Variants in CNTN5 observed in about 807,000 individuals in gnomAD.
CNTN5 encodes contactin 5, also known as contactin-5.
CNTN5 carries 77 observed loss-of-function variants against 129.1 expected under a neutral mutation model. The observed-to-expected ratio is 0.60, with a 90% CI of 0.50 to 0.72. CNTN5 has a LOEUF of 0.72. CNTN5 is among the 30% of genes least tolerant of loss of function. The pLI, the probability that CNTN5 is intolerant of heterozygous loss-of-function variation, is 0.00. For missense variants in CNTN5, 1,478 were observed against 1,328.8 expected (o/e 1.11, Z -1.75); for synonymous variants, 509 against 465.6 (o/e 1.09, Z -1.20).
rs3990615 is a variant in CNTN5, at chr11:99,945,489, CGTGT to C, written c.674-11292_674-11289del. ...CATAGCAAAAAATAAAACCTCTGTG[CGTGT>C]GTGTGTGTGTGTGTGTGTGTGTGTA... On this transcript the variant is annotated intron_variant, in intron 7 of 24. Transcript: ENST00000524871. 6.0e-3 allele frequency among the ~76,000 whole-genome samples: 890 copies of C among 148,968 alleles called. 6 individuals carry two copies. Among genetic ancestry groups the C allele is most frequent in the African/African-American group, 0.018 (739 of 40,448 alleles).
At chr11:99,427,291 A>G (rs1943161963) in intron 2 of CNTN5, among the ~76,000 whole-genome samples, 1 of 152,202 alleles carries the variant, frequency 6.6e-6, no homozygotes, top group African/African-American at 2.4e-5. Context: ...TTTTCTTTAG[A>G]TCTTGAAGAT....
At position 100,341,771 on chromosome 11, in the gene CNTN5, TTTG is replaced by T. The variant is rs533627054; in HGVS notation, c.3030+569_3030+571del. ...GTGCAATTTGTTTTTGAAAAATAAC[TTTG>T]TTATCTGATTTTTAAATATATGTGA... On this transcript the variant is annotated intron_variant, in intron 23 of 24. Transcript: ENST00000524871. 3.9e-3 allele frequency among the ~76,000 whole-genome samples: 599 copies of T among 152,254 alleles called. 7 individuals carry two copies. The highest frequency in any genetic ancestry group is 0.014 in the African/African-American group (583 of 41,556).
chr11:99,213,446 A>T (rs910533579), intron 1 of CNTN5, among the ~76,000 whole-genome samples: 2 of 145,430 alleles, frequency 1.4e-5, no homozygotes, highest in Admixed American at 6.9e-5. Context: ...ATATACACAT[A>T]TATGTATATA....
chr11:99,846,707 T>G (rs1947710659), intron 6 of CNTN5, among the ~76,000 whole-genome samples: 1 of 152,144 alleles, frequency 6.6e-6, no homozygotes, highest in Non-Finnish European at 1.5e-5. Context: ...CAGGTATCAT[T>G]TCTAATTAAC....
At chr11:99,955,321 A>G (rs1045793642) in intron 7 of CNTN5, among the ~76,000 whole-genome samples, 36 of 151,986 alleles carry the variant, frequency 2.4e-4, no homozygotes, top group African/African-American at 8.7e-4. Context: ...TTTCAATTAT[A>G]CTTTATGGAG....
intron 1 of CNTN5, among the ~76,000 whole-genome samples, chr11:99,244,848 C>T (rs1160013389): frequency 6.6e-6 from 1 of 152,158 alleles, no homozygotes; most frequent in Non-Finnish European, 1.5e-5. Flanking sequence ...TACCTCTCTC[C>T]TATTCCTTCC....
chr11:99,505,980 A>G (rs1253627086), intron 2 of CNTN5, among the ~76,000 whole-genome samples: 1 of 152,234 alleles, frequency 6.6e-6, no homozygotes, highest in African/African-American at 2.4e-5. Flanking sequence ...TTTCAAAGTC[A>G]TAACGGATCA....
intron 13 of CNTN5, among the ~76,000 whole-genome samples, chr11:100,176,441 T>C (rs1947965479): frequency 6.6e-6 from 1 of 152,136 alleles, no homozygotes; most frequent in South Asian, 2.1e-4. Context: ...GGTCTCAAAT[T>C]TTTATGTTGG....
At chr11:99,098,708 A>G (rs1164729775) in intron 1 of CNTN5, among the ~76,000 whole-genome samples, 1 of 152,138 alleles carries the variant, frequency 6.6e-6, no homozygotes, top group East Asian at 1.9e-4. Flanking sequence ...TCTCTTATGT[A>G]CATTTTTCTT....
chr11:99,432,104 G>A (rs1943393897), intron 2 of CNTN5, among the ~76,000 whole-genome samples: 1 of 152,132 alleles, frequency 6.6e-6, no homozygotes, highest in South Asian at 2.1e-4. Context: ...AGGAATAAAA[G>A]GGAAGGCAGT....
At chr11:100,202,952 C>T (rs761456942) in intron 15 of CNTN5, among the ~76,000 whole-genome samples, 6 of 151,970 alleles carry the variant, frequency 3.9e-5, no homozygotes, top group Non-Finnish European at 7.4e-5. Flanking sequence ...ACAGAGAGAA[C>T]TAAAACTAGC....
intron 3 of CNTN5, among the ~76,000 whole-genome samples, chr11:99,706,253 A>C (rs1390218091): frequency 1.3e-5 from 2 of 151,414 alleles, no homozygotes; most frequent in African/African-American, 2.4e-5. Flanking sequence ...GATGTTGATA[A>C]TGAGGCTGCC....
chr11:99,328,828 C>T (rs1865887108), intron 2 of CNTN5, among the ~76,000 whole-genome samples: 1 of 136,906 alleles, frequency 7.3e-6, no homozygotes, highest in Non-Finnish European at 1.5e-5. Context: ...CAAGATCACA[C>T]CATTGCACTC....
At position 99,701,654 on chromosome 11, in the gene CNTN5, C is replaced by A. The variant is rs372590101; in HGVS notation, c.56-117890C>A. The stretch of plus-strand genomic sequence containing the variant: ...CCTATATATTTTTAAAATATTATCT[C>A]CAATAGAAATAAATAGAAAATGTTT... On this transcript the variant is annotated intron_variant, in intron 3 of 24. Transcript: ENST00000524871. Among the ~76,000 whole-genome samples the A allele has an allele frequency of 1.6e-3, 245 of 151,012 alleles. 1 individual carries two copies. The highest frequency in any genetic ancestry group is 5.5e-3 in the African/African-American group (228 of 41,388).
chr11:99,795,939 G>A (rs1165066260), intron 3 of CNTN5, among the ~76,000 whole-genome samples: 1 of 152,202 alleles, frequency 6.6e-6, no homozygotes, highest in Non-Finnish European at 1.5e-5. Flanking sequence ...AGTTTCAGTG[G>A]GATCTGTCCT....
At chr11:100,014,590 A>G (rs1198411251) in intron 9 of CNTN5, among the ~76,000 whole-genome samples, 3 of 152,136 alleles carry the variant, frequency 2.0e-5, no homozygotes, top group Non-Finnish European at 4.4e-5. Flanking sequence ...AAAAAAAAAT[A>G]ATAATAAATT....
intron 1 of CNTN5, among the ~76,000 whole-genome samples, chr11:99,151,731 G>C (rs1860066792): frequency 6.6e-6 from 1 of 152,116 alleles, no homozygotes. Context: ...CCATAAAAAA[G>C]AATGAGTTCA....
intron 21 of CNTN5, among the ~76,000 whole-genome samples, chr11:100,322,656 T>G (rs575541295): frequency 6.6e-6 from 1 of 152,316 alleles, no homozygotes; most frequent in African/African-American, 2.4e-5. Flanking sequence ...TTCAGGAGAA[T>G]TATCTATTTT....
At chr11:99,610,620 G>C (rs993720294) in intron 3 of CNTN5, among the ~76,000 whole-genome samples, 1 of 152,168 alleles carries the variant, frequency 6.6e-6, no homozygotes, top group Admixed American at 6.6e-5. Context: ...CGTAGTTTCA[G>C]TGCAGACGGG....
Sources: allele counts gnomAD v4.1 joint callset (sites outside exome capture counted in the v4.1 genomes callset), GRCh38; gene constraint gnomAD v4.1.1; transcripts MANE v1.5; gene names NCBI Gene and HGNC (gene_info 2026-07-23, HGNC 2026-07-21).